The following ACSL3 variants were observed in gnomAD, a reference collection of about 807,000 sequenced individuals.
ACSL3 encodes the protein acyl-CoA synthetase long chain family member 3.
ACSL3 carries 34 observed loss-of-function variants against 84.7 expected under a neutral mutation model. The ratio of observed to expected loss-of-function variants is 0.40; its 90% CI spans 0.31 to 0.53. The LOEUF is 0.53. ACSL3 is among the 20% of genes least tolerant of loss of function. The probability of loss-of-function intolerance (pLI) is 0.48; values close to 1 mark genes in which losing one functional copy is unlikely to be tolerated. For synonymous variants in ACSL3, 315 were observed against 299.4 expected (o/e 1.05, Z -0.54); for missense variants, 680 against 873.1 (o/e 0.78, Z 2.79).
At chr2:222,883,031 G>A (rs1348506116) in intron 1 of ACSL3, among the ~76,000 whole-genome samples, 3 of 151,926 alleles carry the variant, frequency 2.0e-5, no homozygotes, top group Non-Finnish European at 4.4e-5. Flanking sequence ...GCTTTCCAAA[G>A]TGCTGGGATT....
Position 222,942,355 on chromosome 2 carries a change from A to C in ACSL3, c.*701A>C, listed in dbSNP as rs780628207. ...GGGTTATAGTTTAATAGTAAGGGAGATAACACAGCATGTGTAGCACCAGTT... is the reference window on the plus strand; with the variant it reads ...GGGTTATAGTTTAATAGTAAGGGAGCTAACACAGCATGTGTAGCACCAGTT... On this transcript the variant is annotated 3_prime_UTR_variant, in exon 17 of 17. Transcript: ENST00000357430. 1 of 190,150 alleles carries C rather than the reference A, an allele frequency of 5.3e-6. No homozygotes were observed. Among genetic ancestry groups the C allele is most frequent in the Non-Finnish European group, 1.1e-5 (1 of 90,290 alleles). 11.8% of individuals were successfully genotyped at this position (190,150 alleles called of 1,614,324 possible).
intron 1 of ACSL3, among the ~76,000 whole-genome samples, chr2:222,884,478 A>G (rs1386253409): frequency 2.6e-5 from 4 of 152,198 alleles, no homozygotes; most frequent in Non-Finnish European, 1.5e-5. Context: ...CAGAGCTTTG[A>G]AGGCTCCAGG....
Position 222,919,067 on chromosome 2 carries a change from A to G in ACSL3, c.670A>G (p.Ile224Val), listed in dbSNP as rs914401418. Reference protein sequence around the residue: ...KELLQTKLKDIVSLVPRLRHI... With the variant: ...KELLQTKLKDVVSLVPRLRHI... ...ATGAATGTTGGTGTATTTCTAGGATATAGTTTCTTTGGTCCCACGCCTGCG... is the reference window on the plus strand; with the variant it reads ...ATGAATGTTGGTGTATTTCTAGGATGTAGTTTCTTTGGTCCCACGCCTGCG... The change falls in exon 7 of 17, where the codon ATA (isoleucine) becomes GTA (valine). Residue 224 changes from isoleucine to valine, a missense_variant. Physicochemically the swap from Ile to Val is conservative, Grantham distance 29. Coordinates refer to ENST00000357430, the MANE Select transcript of ACSL3 (RefSeq NM_004457.5). 6.2e-7 allele frequency: 1 copy of G among 1,613,588 alleles called. No homozygotes were observed.
intron 5 of ACSL3, chr2:222,916,745 C>T (rs1696594391): frequency 9.9e-6 from 3 of 304,432 alleles, no homozygotes; most frequent in Admixed American, 4.9e-5. Flanking sequence ...GAGAACTAGA[C>T]CTACACTTAG....
chr2:222,943,382 T>G lies in ACSL3; in HGVS notation c.*1728T>G. On this transcript the variant is annotated 3_prime_UTR_variant, in exon 17 of 17. Coordinates refer to ENST00000357430, the MANE Select transcript of ACSL3 (RefSeq NM_004457.5). ...TATGAGGATGCTGTGATCTAAAAAT[T>G]AAATCTCAGTGGGCGGAGAGAATTT... The G allele has an allele frequency of 5.4e-6, 1 of 183,632 alleles. No individual in the cohort carries two copies. The highest frequency in any genetic ancestry group is 1.2e-5 in the Non-Finnish European group (1 of 86,372). The allele number at this position is 183,632 out of a possible 1,614,324, so 11.4% of individuals were successfully genotyped here. A position where few individuals can be genotyped will look rare whatever the true frequency, so the allele number is the denominator to read the frequency against.
In ACSL3 at chr2:222,906,233, A is replaced by AGG. The variant is rs560034666; in HGVS notation, c.-40-2498_-40-2497dup. ...GTACCCTCAGATGTTTCTCCTCAAG[A>AGG]GGGTACACTTGGGCACGCACATAGT... On this transcript the variant is annotated intron_variant, in intron 3 of 16. Coordinates refer to ENST00000357430, the MANE Select transcript of ACSL3 (RefSeq NM_004457.5). 2.7e-3 allele frequency among the ~76,000 whole-genome samples: 405 copies of AGG among 152,286 alleles called. 1 individual carries two copies. Among genetic ancestry groups the AGG allele is most frequent in the African/African-American group, 9.5e-3 (394 of 41,552 alleles).
intron 16 of ACSL3, among the ~76,000 whole-genome samples, chr2:222,937,771 G>A (rs990716502): frequency 6.6e-6 from 1 of 151,812 alleles, no homozygotes; most frequent in Non-Finnish European, 1.5e-5. Context: ...CTTTTAATTG[G>A]GCATTTAATT....
chr2:222,866,637 A>G (rs1695148848), intron 1 of ACSL3, among the ~76,000 whole-genome samples: 1 of 146,648 alleles, frequency 6.8e-6, no homozygotes, highest in South Asian at 2.2e-4. Flanking sequence ...GTTCATGTTA[A>G]CCTTTGAAGG....
In ACSL3 at chr2:222,866,438, G is replaced by T. The variant is rs56937176; in HGVS notation, c.-207+5180G>T. ...GGGATTACAGGCTGGGAGCTACTGC[G>T]CTGACTGCAAAATAGGTTCTTTTAT... On this transcript the variant is annotated intron_variant, in intron 1 of 16. Transcript: ENST00000357430. 3.0e-3 allele frequency among the ~76,000 whole-genome samples: 455 copies of T among 152,156 alleles called. 10 individuals are homozygous for T. The East Asian group carries it at 0.059, about 20-fold the overall frequency.
rs953019466 is a variant in ACSL3 at position 222,929,001 on chromosome 2, C to T, written c.1540+65C>T. The T allele has an allele frequency of 8.0e-5, 108 of 1,347,736 alleles. 2 individuals are homozygous for T. Among genetic ancestry groups the T allele is most frequent in the Non-Finnish European group, 3.4e-5 (32 of 948,848 alleles). 83.5% of individuals were successfully genotyped at this position (1,347,736 alleles called of 1,614,324 possible). On this transcript the variant is annotated intron_variant, in intron 13 of 16. Coordinates refer to ENST00000357430, the MANE Select transcript of ACSL3 (RefSeq NM_004457.5). ...GTATTAAACTTGAAAATTAGTGCTT[C>T]ACTTTCTTGCTTTAGAATGTAAACA...
intron 11 of ACSL3, 32 bp downstream of exon 11, chr2:222,924,627 CCT>C: frequency 6.4e-7 from 1 of 1,550,844 alleles, no homozygotes; most frequent in South Asian, 1.3e-5. Flanking sequence ...CCTTCTTTCT[CCT>C]CTTGATAATT....
intron 1 of ACSL3, among the ~76,000 whole-genome samples, chr2:222,886,221 C>G (rs963694372): frequency 4.6e-5 from 7 of 152,084 alleles, no homozygotes; most frequent in African/African-American, 1.4e-4. Context: ...AATGTTCTCC[C>G]TCCCCTTACC....
At chr2:222,937,175 C>T (rs1697194524) in intron 16 of ACSL3, among the ~76,000 whole-genome samples, 1 of 142,438 alleles carries the variant, frequency 7.0e-6, no homozygotes, top group Admixed American at 7.2e-5. Flanking sequence ...AGTATTTCCT[C>T]CTTTTTGATG....
At position 222,941,471 on chromosome 2, in the gene ACSL3, C is replaced by CTTT. The variant is rs5838973; in HGVS notation, c.2006-24_2006-22dup. On this transcript the variant is annotated intron_variant, in intron 16 of 16. Coordinates refer to ENST00000357430, the MANE Select transcript of ACSL3 (RefSeq NM_004457.5). ...GCTAAGAACTTAAATACCTTTTCTT[C>CTTT]TTTTCTTTTTTTTTAATCATCTTAG... 297 of 1,379,648 alleles carry CTTT rather than the reference C, an allele frequency of 2.2e-4. 1 individual carries two copies. The highest frequency in any genetic ancestry group is 9.1e-4 in the South Asian group (66 of 72,244). 85.5% of individuals were successfully genotyped at this position (1,379,648 alleles called of 1,614,324 possible). A position where few individuals can be genotyped will look rare whatever the true frequency, so the allele number is the denominator to read the frequency against.
rs1323252520 is a variant in ACSL3 at position 222,924,937 on chromosome 2, A to G, written c.1292+342A>G. On this transcript the variant is annotated intron_variant, in intron 11 of 16. Transcript: ENST00000357430. ...GCTACTCAGGAGGCTGAGGCAGGAG[A>G]ATGGTGCGAACCCAGGAGGCGGAGC... 2.6e-5 allele frequency among the ~76,000 whole-genome samples: 4 copies of G among 151,814 alleles called. No homozygotes were observed. The East Asian group carries it at 7.8e-4, about 29-fold the overall frequency.
At chr2:222,906,994 A>G (rs1167078281) in intron 3 of ACSL3, among the ~76,000 whole-genome samples, 1 of 152,212 alleles carries the variant, frequency 6.6e-6, no homozygotes, top group Admixed American at 6.5e-5. Flanking sequence ...AGAAATTGCT[A>G]AGGGGCTCTG....
rs746924445 is a variant in ACSL3, at chr2:222,922,793, C to T, written c.1042C>T (p.Arg348Cys). The T allele has an allele frequency of 4.3e-5, 70 of 1,614,034 alleles. No individual in the cohort carries two copies. Among genetic ancestry groups the T allele is most frequent in the Middle Eastern group, 1.6e-4 (1 of 6,084 alleles). Residue 348 changes from arginine to cysteine, a missense_variant, in exon 9 of 17, where the codon CGC becomes TGC. By Grantham distance (180) the Arg-to-Cys change is radical. Transcript: ENST00000357430. ...AELVCLSHGC[R>C]IGYSSPQTLA... Reference sequence around the variant, plus strand: ...GCTTGTCTGTCTTTCTCACGGATGCCGCATTGGTTACTCTTCACCACAGAC... The same window carrying T: ...GCTTGTCTGTCTTTCTCACGGATGCTGCATTGGTTACTCTTCACCACAGAC...
chr2:222,934,015 T>A (rs77910174), intron 15 of ACSL3, among the ~76,000 whole-genome samples: 1 of 152,242 alleles, frequency 6.6e-6, no homozygotes, highest in Non-Finnish European at 1.5e-5. Context: ...TACTATTTTA[T>A]GGCCTTCAAA....
At chr2:222,928,981 A>C in intron 13 of ACSL3, 45 bp downstream of exon 13, 2 of 1,511,074 alleles carry the variant, frequency 1.3e-6, no homozygotes. Context: ...TTAAAGTATT[A>C]AACTTGAAAA....
Sources: gnomAD v4.1 joint callset for allele counts (sites outside exome capture counted in the v4.1 genomes callset) on GRCh38, gnomAD v4.1.1 for gene constraint, MANE v1.5 for transcripts, NCBI Gene and HGNC (gene_info 2026-07-23, HGNC 2026-07-21) for gene names.